Variants in CUX2 observed in about 807,000 individuals in gnomAD.
The protein encoded by CUX2 is homeobox protein cut-like 2.
Under a neutral mutation model 144.8 loss-of-function variants are expected in CUX2, and 40 were observed. That is an observed-to-expected ratio of 0.28 (90% CI 0.21 to 0.36). The LOEUF is 0.36. CUX2 is among the 10% of genes least tolerant of loss of function. The pLI is 1.00. For missense variants in CUX2, 1,615 were observed against 1,994.0 expected (o/e 0.81, Z 3.62); for synonymous variants, 827 against 875.6 (o/e 0.94, Z 0.98).
chr12:111,111,419 T>A (rs1873950244), intron 1 of CUX2, among the ~76,000 whole-genome samples: 1 of 152,116 alleles, frequency 6.6e-6, no homozygotes, highest in South Asian at 2.1e-4. Context: ...CTTTTACTCC[T>A]CCCCACAACT....
chr12:111,334,015 G>A (rs1888230418), intron 18 of CUX2, among the ~76,000 whole-genome samples: 3 of 151,682 alleles, frequency 2.0e-5, no homozygotes, highest in East Asian at 1.9e-4. Flanking sequence ...GTGAAACCCC[G>A]TCTCTACTAA....
At chr12:111,091,427 C>T (rs1345334689) in intron 1 of CUX2, among the ~76,000 whole-genome samples, 6 of 152,172 alleles carry the variant, frequency 3.9e-5, no homozygotes, top group Admixed American at 3.9e-4. Flanking sequence ...TCACTCCTCC[C>T]TGTACAGACC....
chr12:111,247,797 A>T (rs942044474), intron 3 of CUX2, among the ~76,000 whole-genome samples: 1 of 152,156 alleles, frequency 6.6e-6, no homozygotes, highest in Non-Finnish European at 1.5e-5. Flanking sequence ...AGATGATGTC[A>T]TCTTCTCACA....
Position 111,263,923 on chromosome 12 carries a change from G to C in CUX2, c.301+84G>C. On this transcript the variant is annotated intron_variant, in intron 4 of 21. Coordinates refer to ENST00000261726, the MANE Select transcript of CUX2 (RefSeq NM_015267.4). The surrounding 1 kb of genome is among the most constrained non-coding windows in gnomAD (Gnocchi z 4.0). ...CTGTGACACAGGGACTTTGAGGTGG[G>C]ATGTGGGGACATGCCTGGGCTCCTG... 1 of 1,313,166 alleles carries C rather than the reference G, an allele frequency of 7.6e-7. No individual in the cohort carries two copies. The highest frequency in any genetic ancestry group is 1.1e-6 in the Non-Finnish European group (1 of 908,156). 81.3% of individuals were successfully genotyped at this position (1,313,166 alleles called of 1,614,324 possible). A position where few individuals can be genotyped will look rare whatever the true frequency, so the allele number is the denominator to read the frequency against.
At chr12:111,128,388 T>C (rs1030548368) in intron 1 of CUX2, among the ~76,000 whole-genome samples, 2 of 152,272 alleles carry the variant, frequency 1.3e-5, no homozygotes, top group South Asian at 4.1e-4. Flanking sequence ...ATTCTGTCAG[T>C]TTATCATAGG....
In CUX2 at chr12:111,232,813, A is replaced by G. The variant is rs150807951; in HGVS notation, c.222+14876A>G. ...TATTCATTCATTCATTTCCTTAGCA[A>G]ATATTTACAGAGCACCTACTGCCAG... is the stretch of plus-strand genomic sequence containing the variant. On this transcript the variant is annotated intron_variant, in intron 3 of 21. Coordinates refer to ENST00000261726, the MANE Select transcript of CUX2 (RefSeq NM_015267.4). 1.4e-3 allele frequency among the ~76,000 whole-genome samples: 218 copies of G among 152,316 alleles called. 1 individual carries two copies. Among genetic ancestry groups the G allele is most frequent in the African/African-American group, 5.1e-3 (212 of 41,570 alleles).
intron 4 of CUX2, among the ~76,000 whole-genome samples, chr12:111,281,318 C>T (rs918583623): frequency 2.6e-5 from 4 of 152,094 alleles, no homozygotes; most frequent in African/African-American, 4.8e-5. Flanking sequence ...TTTGCACAAG[C>T]GGTGCCTCCC....
intron 4 of CUX2, among the ~76,000 whole-genome samples, 161 bp from the exon 5 acceptor site, chr12:111,291,257 A>G (rs1262144934): frequency 6.6e-6 from 1 of 152,156 alleles, no homozygotes; most frequent in African/African-American, 2.4e-5. Flanking sequence ...AAGTGCCTGG[A>G]CAAGCCTGCT....
Position 111,320,305 on chromosome 12 carries a change from G to A in CUX2, c.2296G>A (p.Ala766Thr), listed in dbSNP as rs199879473. 1.3e-4 allele frequency: 211 copies of A among 1,597,644 alleles called. No individual in the cohort carries two copies. The highest frequency in any genetic ancestry group is 1.7e-4 in the Non-Finnish European group (198 of 1,178,968). Residue 766 changes from alanine to threonine, a missense_variant, in exon 17 of 22, where the codon GCC (alanine) becomes ACC (threonine). Ala to Thr is a moderately conservative substitution (Grantham distance 58, BLOSUM62 0). Transcript: ENST00000261726. This position sits in a 1 kb window ranked among gnomAD's most constrained non-coding sequence, Gnocchi z 8.1. ...GCCGCTCCCGGTCCTGTCCCCCGCC[G>A]CCTTCGTGCAGAGCATCATCCGCAA... ...QAPLPVLSPA[A>T]FVQSIIRKVK...
At chr12:111,151,461 A>G (rs1199489725) in intron 1 of CUX2, among the ~76,000 whole-genome samples, 1 of 152,240 alleles carries the variant, frequency 6.6e-6, no homozygotes, top group Non-Finnish European at 1.5e-5. Context: ...TCATGAATGC[A>G]ATATAATTCA....
intron 1 of CUX2, among the ~76,000 whole-genome samples, chr12:111,132,482 C>G (rs549491006): frequency 6.6e-6 from 1 of 151,288 alleles, no homozygotes; most frequent in African/African-American, 2.4e-5. Context: ...GCTTGAATTT[C>G]TCCCCAGAAA....
chr12:111,207,302 G>A (rs1880974118), intron 1 of CUX2, among the ~76,000 whole-genome samples: 1 of 152,194 alleles, frequency 6.6e-6, no homozygotes, highest in African/African-American at 2.4e-5. Flanking sequence ...CTGCATGATG[G>A]CCTTTGTCAC....
At chr12:111,161,306 A>G (rs1324191954) in intron 1 of CUX2, among the ~76,000 whole-genome samples, 1 of 152,100 alleles carries the variant, frequency 6.6e-6, no homozygotes, top group Non-Finnish European at 1.5e-5. Context: ...GCAGGGCTCC[A>G]TAGGGCTGGG....
At chr12:111,330,717 A>T (rs1463594213) in intron 18 of CUX2, among the ~76,000 whole-genome samples, 1 of 50,544 alleles carries the variant, frequency 2.0e-5, no homozygotes, top group Non-Finnish European at 4.0e-5. Flanking sequence ...ATATATATAT[A>T]TATATATATA....
rs1346526041 is a variant in CUX2, at chr12:111,186,786, T to G, written c.64-27414T>G. ...AAATCGATATGATGTGTGTATGTTT[T>G]TTTTTTTTTTGAGACAGAATTTCAC... is the stretch of plus-strand genomic sequence containing the variant. On this transcript the variant is annotated intron_variant, in intron 1 of 21. Transcript: ENST00000261726. The surrounding 1 kb of genome is among the most constrained non-coding windows in gnomAD (Gnocchi z 4.4). 2.0e-5 allele frequency among the ~76,000 whole-genome samples: 3 copies of G among 151,792 alleles called. No individual in the cohort carries two copies. The highest frequency in any genetic ancestry group is 2.9e-5 in the Non-Finnish European group (2 of 67,940).
chr12:111,112,473 T>A (rs889470709), intron 1 of CUX2, among the ~76,000 whole-genome samples: 2 of 152,088 alleles, frequency 1.3e-5, no homozygotes, highest in Non-Finnish European at 2.9e-5. Flanking sequence ...CTAAGAAATC[T>A]CTCTTAAGCG....
At chr12:111,347,425 C>A in intron 21 of CUX2, 99 bp from the exon 22 acceptor site, 1 of 1,136,554 alleles carries the variant, frequency 8.8e-7, no homozygotes, top group Non-Finnish European at 1.2e-6. Flanking sequence ...TAGAGAGCCC[C>A]AGGGCAGTGG....
chr12:111,195,402 A>G (rs932534917), intron 1 of CUX2, among the ~76,000 whole-genome samples: 2 of 152,200 alleles, frequency 1.3e-5, no homozygotes, highest in African/African-American at 4.8e-5. Context: ...AACACAAAAC[A>G]TTGCTTTAGA....
intron 1 of CUX2, among the ~76,000 whole-genome samples, chr12:111,142,041 G>T (rs377731319): frequency 6.6e-6 from 1 of 152,076 alleles, no homozygotes; most frequent in African/African-American, 2.4e-5. Context: ...CCAAGATCAC[G>T]CCACTGCACT....
Sources: allele counts gnomAD v4.1 joint callset (sites outside exome capture counted in the v4.1 genomes callset), GRCh38; gene constraint gnomAD v4.1.1; non-coding constraint Gnocchi (gnomAD v3.1); transcripts MANE v1.5; gene names NCBI Gene and HGNC (gene_info 2026-07-23, HGNC 2026-07-21).